The following CDH12 variants were observed in gnomAD, a reference collection of about 807,000 sequenced individuals.
CDH12 encodes the protein cadherin-12.
In CDH12, 41 loss-of-function variants were observed where a neutral mutation model predicts 74.1. The ratio of observed to expected loss-of-function variants is 0.55; its 90% CI spans 0.43 to 0.72. The LOEUF is 0.72. CDH12 is among the 30% of genes least tolerant of loss of function. CDH12 has a pLI of 0.00. For synonymous variants in CDH12, 399 were observed against 355.0 expected (o/e 1.12, Z -1.39); for missense variants, 945 against 977.2 (o/e 0.97, Z 0.44).
intron 2 of CDH12, among the ~76,000 whole-genome samples, chr5:22,474,283 T>C (rs551612718): frequency 6.5e-4 from 99 of 152,232 alleles, no homozygotes; most frequent in Non-Finnish European, 1.3e-3. Context: ...AAGAACTGTA[T>C]TTTCAAATAA....
At chr5:21,833,251 A>ATATAACATATAATATATATTATATG (rs1561225464) in intron 8 of CDH12, among the ~76,000 whole-genome samples, 157 of 13,216 alleles carry the variant, frequency 0.012, 13 homozygotes, top group Middle Eastern at 0.12. Context: ...TATATTATAT[A>ATATAACATATAATATATATTATATG]TTATATAACA....
intron 2 of CDH12, among the ~76,000 whole-genome samples, chr5:22,444,047 TA>T (rs913701396): frequency 1.3e-5 from 2 of 152,118 alleles, no homozygotes; most frequent in African/African-American, 2.4e-5. Context: ...AAAGCAAATT[TA>T]GAGCCATAAG....
At chr5:22,100,522 ATTAAGT>A (rs1429798549) in intron 4 of CDH12, among the ~76,000 whole-genome samples, 2 of 152,246 alleles carry the variant, frequency 1.3e-5, no homozygotes, top group East Asian at 1.9e-4. Flanking sequence ...ACATTTTGAT[ATTAAGT>A]TTAACTCTTG....
At chr5:22,636,872 G>A (rs953489658) in intron 1 of CDH12, among the ~76,000 whole-genome samples, 6 of 152,168 alleles carry the variant, frequency 3.9e-5, no homozygotes, top group African/African-American at 1.4e-4. Context: ...TAAATGCAGT[G>A]GTACTCTGTG....
At chr5:22,608,201 TC>T (rs1293685656) in intron 1 of CDH12, among the ~76,000 whole-genome samples, 6 of 152,314 alleles carry the variant, frequency 3.9e-5, no homozygotes, top group African/African-American at 1.2e-4. Flanking sequence ...GGGGGGCTAT[TC>T]CCTGCAAAGC....
chr5:22,496,441 T>G (rs2126648459), intron 2 of CDH12, among the ~76,000 whole-genome samples: 1 of 152,322 alleles, frequency 6.6e-6, no homozygotes, highest in Non-Finnish European at 1.5e-5. Context: ...TCCTTGGTCA[T>G]TTGAAATGTG....
intron 3 of CDH12, among the ~76,000 whole-genome samples, chr5:22,367,409 A>G (rs1741080474): frequency 6.6e-6 from 1 of 152,220 alleles, no homozygotes; most frequent in African/African-American, 2.4e-5. Flanking sequence ...AATGTTATAT[A>G]ATCCCATATA....
intron 4 of CDH12, among the ~76,000 whole-genome samples, chr5:22,189,204 C>A (rs1750128646): frequency 6.6e-6 from 1 of 152,112 alleles, no homozygotes; most frequent in African/African-American, 2.4e-5. Context: ...AAACTTGAAA[C>A]CATGACACTG....
At chr5:22,727,808 C>A (rs1257921780) in intron 1 of CDH12, among the ~76,000 whole-genome samples, 2 of 151,312 alleles carry the variant, frequency 1.3e-5, no homozygotes, top group African/African-American at 4.8e-5. Flanking sequence ...TTTTTGAAGT[C>A]ATCTTTCAGT....
intron 1 of CDH12, among the ~76,000 whole-genome samples, chr5:22,780,923 A>G (rs1291086007): frequency 6.6e-6 from 1 of 152,200 alleles, no homozygotes; most frequent in Non-Finnish European, 1.5e-5. Context: ...CTGTCAGCTG[A>G]AACACAATCA....
chr5:21,946,809 T>C (rs1430346700), intron 6 of CDH12, among the ~76,000 whole-genome samples: 1 of 152,164 alleles, frequency 6.6e-6, no homozygotes, highest in African/African-American at 2.4e-5. Context: ...GCATTGCCAG[T>C]TATAAAAAAG....
intron 4 of CDH12, among the ~76,000 whole-genome samples, chr5:22,153,401 C>G (rs1747745433): frequency 6.6e-6 from 1 of 151,694 alleles, no homozygotes; most frequent in Admixed American, 6.6e-5. Flanking sequence ...CATGTATTAT[C>G]TAGGGTCTTA....
At chr5:22,811,090 C>A (rs1056894597) in intron 1 of CDH12, among the ~76,000 whole-genome samples, 1 of 151,094 alleles carries the variant, frequency 6.6e-6, no homozygotes, top group Non-Finnish European at 1.5e-5. Flanking sequence ...TATATACACA[C>A]GTATATGTAC....
intron 1 of CDH12, among the ~76,000 whole-genome samples, chr5:22,758,586 C>T (rs2165669): frequency 0.83 from 126,430 of 151,646 alleles, 52,770 homozygotes; most frequent in Non-Finnish European, 0.86. Context: ...CCCATTTTCT[C>T]AGCATAAAAA....
chr5:22,784,633 A>T (rs1200767235), intron 1 of CDH12, among the ~76,000 whole-genome samples: 4 of 152,246 alleles, frequency 2.6e-5, no homozygotes, highest in African/African-American at 9.6e-5. Flanking sequence ...CTACCAGTTC[A>T]TCCTACTTCC....
At chr5:22,320,183 A>C (rs35408939) in intron 3 of CDH12, among the ~76,000 whole-genome samples, 5,412 of 152,282 alleles carry the variant, frequency 0.036, 155 homozygotes, top group Non-Finnish European at 0.05. Flanking sequence ...AGAGTAGGAC[A>C]AACAGAATTA....
intron 1 of CDH12, among the ~76,000 whole-genome samples, chr5:22,612,437 T>C (rs778230452): frequency 6.6e-6 from 1 of 152,128 alleles, no homozygotes; most frequent in Non-Finnish European, 1.5e-5. Flanking sequence ...TGGATAATAC[T>C]AGGAAAAGAA....
chr5:22,298,222 C>T lies in CDH12; in HGVS notation c.-332-85579G>A, dbSNP rs78425520. 1.4e-3 allele frequency among the ~76,000 whole-genome samples: 212 copies of T among 151,082 alleles called. 4 individuals carry two copies. In the East Asian group the frequency reaches 0.038, roughly 27 times the overall value. ...ACACATACACTCATATACATATATACGCATTGTATATGCATATATTCATGT... is the reference window on the plus strand; with the variant it reads ...ACACATACACTCATATACATATATATGCATTGTATATGCATATATTCATGT... On this transcript the variant is annotated intron_variant, in intron 3 of 14. Coordinates refer to ENST00000382254, the MANE Select transcript of CDH12 (RefSeq NM_004061.5).
intron 5 of CDH12, among the ~76,000 whole-genome samples, chr5:22,056,523 G>A (rs1740754773): frequency 6.6e-6 from 1 of 152,142 alleles, no homozygotes; most frequent in South Asian, 2.1e-4. Flanking sequence ...AGAAATAATC[G>A]TGGAAATGAG....
Sources: allele counts gnomAD v4.1 joint callset (sites outside exome capture counted in the v4.1 genomes callset), GRCh38; gene constraint gnomAD v4.1.1; transcripts MANE v1.5; gene names NCBI Gene and HGNC (gene_info 2026-07-23, HGNC 2026-07-21).